The following ZFHX3 variants were observed in gnomAD, a reference collection of about 807,000 sequenced individuals.
ZFHX3 encodes zinc finger homeobox protein 3.
In ZFHX3, 42 loss-of-function variants were observed where a neutral mutation model predicts 279.1. The observed-to-expected ratio is 0.15, with a 90% CI of 0.12 to 0.19. The LOEUF (loss-of-function observed/expected upper bound fraction) is 0.19. Among genes scored for constraint, ZFHX3 ranks in the 10% least tolerant of loss-of-function variants. The pLI is 1.00. For synonymous variants in ZFHX3, 2,293 were observed against 1,957.8 expected, an observed-to-expected ratio of 1.17 and a Z score of -4.52; for missense variants, 4,981 against 4,754.0, an observed-to-expected ratio of 1.05 and a Z score of -1.40.
chr16:72,836,336 C>T (rs749225651), intron 4 of ZFHX3, among the ~76,000 whole-genome samples: 70 of 152,186 alleles, frequency 4.6e-4, no homozygotes, highest in Non-Finnish European at 9.0e-4. Context: ...AATGTAGCAA[C>T]CTACTCTGCA....
intron 2 of ZFHX3, among the ~76,000 whole-genome samples, chr16:73,497,018 T>G (rs982036227): frequency 1.3e-5 from 2 of 152,194 alleles, no homozygotes; most frequent in African/African-American, 4.8e-5. Flanking sequence ...TGGTCACAGC[T>G]TCCTGCTGTT....
At chr16:73,388,538 G>A (rs758874835) in intron 3 of ZFHX3, among the ~76,000 whole-genome samples, 8 of 152,140 alleles carry the variant, frequency 5.3e-5, no homozygotes, top group Admixed American at 6.5e-5. Flanking sequence ...TCACCACCAC[G>A]GGTAAGTTGC....
At chr16:72,937,039 A>C (rs1960160826) in intron 3 of ZFHX3, among the ~76,000 whole-genome samples, 1 of 152,262 alleles carries the variant, frequency 6.6e-6, no homozygotes, top group Admixed American at 6.5e-5. Context: ...TAAGCAAATG[A>C]TATGCTGGAG....
intron 5 of ZFHX3, among the ~76,000 whole-genome samples, chr16:73,229,609 G>A (rs8054577): frequency 0.58 from 87,885 of 151,898 alleles, 26,487 homozygotes; most frequent in Non-Finnish European, 0.68. Context: ...ACATGCAGAC[G>A]TTATCTGAAA....
In ZFHX3 at chr16:73,658,359, G is replaced by A. The variant is rs566870380; in HGVS notation, c.-1547+21821C>T. On this transcript the variant is annotated intron_variant, in intron 2 of 17. Transcript: ENST00000641206. Reference sequence around the variant, plus strand: ...CTCGCTCTGTCACCCAGACTGGAGCGCAGTGGCACCAACTCAGCTCACCAC... The same window carrying A: ...CTCGCTCTGTCACCCAGACTGGAGCACAGTGGCACCAACTCAGCTCACCAC... Among the ~76,000 whole-genome samples the A allele has an allele frequency of 4.6e-5, 7 of 152,202 alleles. No individual in the cohort carries two copies. In the East Asian group the frequency reaches 5.8e-4, roughly 13 times the overall value.
At chr16:73,574,311 A>T (rs1358102367) in intron 2 of ZFHX3, among the ~76,000 whole-genome samples, 3 of 151,562 alleles carry the variant, frequency 2.0e-5, no homozygotes, top group Non-Finnish European at 4.4e-5. Context: ...CTCCATTGTA[A>T]CGGACCCGGG....
At chr16:72,997,838 G>C (rs1219072961) in intron 1 of ZFHX3, among the ~76,000 whole-genome samples, 1 of 152,194 alleles carries the variant, frequency 6.6e-6, no homozygotes, top group Non-Finnish European at 1.5e-5. Context: ...CTGACACTTT[G>C]GGAGGCCGAG....
chr16:73,127,118 G>C (rs1966582374), intron 7 of ZFHX3: 1 of 301,404 alleles, frequency 3.3e-6, no homozygotes, highest in South Asian at 2.9e-5. Flanking sequence ...GAATTAGCCT[G>C]AAGTAAAAGT....
At chr16:73,357,397 G>A (rs899073181) in intron 3 of ZFHX3, among the ~76,000 whole-genome samples, 4 of 150,540 alleles carry the variant, frequency 2.7e-5, no homozygotes, top group African/African-American at 9.7e-5. Context: ...TCTTCTGGGA[G>A]CAAACAAACG....
chr16:73,881,567 C>A (rs986217690), intron 1 of ZFHX3, among the ~76,000 whole-genome samples: 1 of 142,482 alleles, frequency 7.0e-6, no homozygotes. Flanking sequence ...CTTCACTGTT[C>A]CATTTTTATC....
intron 1 of ZFHX3, among the ~76,000 whole-genome samples, chr16:73,680,603 G>A (rs1009666975): frequency 6.6e-6 from 1 of 152,132 alleles, no homozygotes; most frequent in South Asian, 2.1e-4. Flanking sequence ...TGACTGAAAG[G>A]AATTTGGGAT....
intron 5 of ZFHX3, among the ~76,000 whole-genome samples, chr16:73,147,428 C>T (rs2144841536): frequency 6.6e-6 from 1 of 152,160 alleles, no homozygotes; most frequent in South Asian, 2.1e-4. Flanking sequence ...CGCGGTGGCT[C>T]ACGCCTGTAA....
At chr16:73,164,698 GAAA>G (rs545221088) in intron 5 of ZFHX3, among the ~76,000 whole-genome samples, 11 of 92,660 alleles carry the variant, frequency 1.2e-4, no homozygotes, top group African/African-American at 2.7e-4. Context: ...AGACTCTGTT[GAAA>G]AAAAAAAAAA....
chr16:73,429,549 T>G (rs2017873978), intron 3 of ZFHX3, among the ~76,000 whole-genome samples: 1 of 152,088 alleles, frequency 6.6e-6, no homozygotes, highest in Admixed American at 6.6e-5. Context: ...GCCAGACTGG[T>G]CTTGAACTCC....
chr16:72,967,760 C>CAAAAA (rs1201182514), intron 1 of ZFHX3, among the ~76,000 whole-genome samples: 1 of 81,652 alleles, frequency 1.2e-5, no homozygotes, highest in African/African-American at 3.9e-5. Flanking sequence ...ACTAAAAATA[C>CAAAAA]AAAAAAAAAA....
chr16:73,528,064 A>G (rs988064701), intron 2 of ZFHX3, among the ~76,000 whole-genome samples: 1 of 152,224 alleles, frequency 6.6e-6, no homozygotes, highest in African/African-American at 2.4e-5. Context: ...ATGCAGAACA[A>G]TTCAACTGCT....
chr16:73,763,590 A>G (rs1035316566), intron 1 of ZFHX3, among the ~76,000 whole-genome samples: 1 of 152,178 alleles, frequency 6.6e-6, no homozygotes, highest in African/African-American at 2.4e-5. Context: ...TATGGAGGAC[A>G]CACCCATAGG....
chr16:73,735,313 T>C (rs1222697891), intron 1 of ZFHX3, among the ~76,000 whole-genome samples: 3 of 148,332 alleles, frequency 2.0e-5, no homozygotes, highest in Non-Finnish European at 4.5e-5. Context: ...AACCTAACTT[T>C]ATGTTTCTTG....
chr16:73,735,948 C>T (rs2053606587), intron 1 of ZFHX3, among the ~76,000 whole-genome samples: 1 of 148,838 alleles, frequency 6.7e-6, no homozygotes, highest in African/African-American at 2.5e-5. Context: ...CCTGGTTGAG[C>T]AACAGACATG....
Sources: gnomAD v4.1 joint callset for allele counts (sites outside exome capture counted in the v4.1 genomes callset) on GRCh38, gnomAD v4.1.1 for gene constraint, MANE v1.5 for transcripts, NCBI Gene and HGNC (gene_info 2026-07-23, HGNC 2026-07-21) for gene names.